Variants in IFT74 observed in about 807,000 individuals in gnomAD.
The protein encoded by IFT74 is intraflagellar transport 74.
IFT74 carries 92 observed loss-of-function variants against 96.7 expected under a neutral mutation model. The ratio of observed to expected loss-of-function variants is 0.95; its 90% confidence interval spans 0.80 to 1.13. The LOEUF is 1.13. Among genes scored for constraint, IFT74 ranks in the 50% most tolerant of loss-of-function variants. The pLI, the probability that IFT74 is intolerant of heterozygous loss-of-function variation, is 0.00. For synonymous variants in IFT74, 223 were observed against 213.2 expected, an observed-to-expected ratio of 1.05 and a Z score of -0.40; for missense variants, 811 against 698.2, an observed-to-expected ratio of 1.16 and a Z score of -1.82.
Position 27,048,290 on chromosome 9 carries a change from A to G in IFT74, c.1333+16A>G, listed in dbSNP as rs1819779977. 3 of 1,536,284 alleles carry G rather than the reference A, an allele frequency of 2.0e-6. No homozygotes were observed. In the African/African-American group the frequency reaches 4.2e-5, roughly 21 times the overall value. ...TTGACTTCAGGTGAGAAAACAACCT[A>G]GATTTTAATATTCTTTTTTTTTAAA... On this transcript the variant is annotated intron_variant, in intron 16 of 19. Transcript: ENST00000380062.
chr9:27,033,715 A>G (rs927619853), intron 13 of IFT74, among the ~76,000 whole-genome samples: 4 of 152,092 alleles, frequency 2.6e-5, no homozygotes, highest in Admixed American at 2.6e-4. Flanking sequence ...TACTCCCAAG[A>G]ACAGTGCTGC....
At chr9:27,031,311 C>CA (rs1449517634) in intron 13 of IFT74, among the ~76,000 whole-genome samples, 1 of 151,778 alleles carries the variant, frequency 6.6e-6, no homozygotes, top group African/African-American at 2.4e-5. Flanking sequence ...CTAAAAAATA[C>CA]AAAAAATTAG....
intron 12 of IFT74, among the ~76,000 whole-genome samples, chr9:27,019,873 A>G (rs2131623603): frequency 6.6e-6 from 1 of 152,058 alleles, no homozygotes; most frequent in Admixed American, 6.6e-5. Context: ...CAGCTTTACC[A>G]TTTTACATTT....
At chr9:27,012,492 ACAGGCATGAGGCATTGTGCT>A in intron 10 of IFT74, among the ~76,000 whole-genome samples, 1 of 152,258 alleles carries the variant, frequency 6.6e-6, no homozygotes, top group South Asian at 2.1e-4. Flanking sequence ...TGCTGGGATT[ACAGGCATGAGGCATTGTGCT>A]CAGCCTCTAA....
Position 26,962,226 on chromosome 9 carries a change from T to C in IFT74, c.120+139T>C, listed in dbSNP as rs1053360649. ...AGTTTTTGAGACTGTCTCAAAAATC[T>C]GTTGAATGCTTGTGCATATATTGTG... On this transcript the variant is annotated intron_variant, in intron 2 of 19. Coordinates refer to ENST00000380062, the MANE Select transcript of IFT74 (RefSeq NM_025103.4). 76 of 687,226 alleles carry C rather than the reference T, an allele frequency of 1.1e-4. 1 individual carries two copies. In the Middle Eastern group the frequency reaches 2.0e-3, roughly 19 times the overall value. 42.6% of individuals were successfully genotyped at this position (687,226 alleles called of 1,614,324 possible).
intron 13 of IFT74, among the ~76,000 whole-genome samples, chr9:27,043,746 A>G (rs1819574345): frequency 6.6e-6 from 1 of 152,138 alleles, no homozygotes; most frequent in Non-Finnish European, 1.5e-5. Flanking sequence ...ATCATACTTG[A>G]TTCCTCCCTG....
At chr9:27,056,170 C>G (rs1454838564) in intron 17 of IFT74, among the ~76,000 whole-genome samples, 164 bp from the exon 18 acceptor site, 1 of 152,042 alleles carries the variant, frequency 6.6e-6, no homozygotes, top group Non-Finnish European at 1.5e-5. Context: ...ATAATGTTAA[C>G]ATAGCTTATA....
chr9:27,023,617 CT>C (rs995650731), intron 12 of IFT74, among the ~76,000 whole-genome samples: 1 of 151,752 alleles, frequency 6.6e-6, no homozygotes, highest in Non-Finnish European at 1.5e-5. Context: ...CCATAGTTTT[CT>C]TTTTTTTGTT....
chr9:27,040,485 G>T (rs556734600), intron 13 of IFT74, among the ~76,000 whole-genome samples: 99 of 145,190 alleles, frequency 6.8e-4, no homozygotes, highest in African/African-American at 2.4e-3. Flanking sequence ...GGAGGCGGAG[G>T]TTGCAGCTGA....
chr9:26,973,909 A>G (rs143510770), intron 2 of IFT74, among the ~76,000 whole-genome samples: 50 of 152,298 alleles, frequency 3.3e-4, no homozygotes, highest in African/African-American at 8.4e-4. Flanking sequence ...TGACTCCCCT[A>G]TTCTTCCTTG....
intron 1 of IFT74, among the ~76,000 whole-genome samples, chr9:26,949,843 G>A (rs1825876828): frequency 6.6e-6 from 1 of 152,206 alleles, no homozygotes; most frequent in African/African-American, 2.4e-5. Flanking sequence ...GAGGAGTGGG[G>A]TTCACAGGTC....
At chr9:26,959,021 C>G (rs1030083798) in intron 1 of IFT74, among the ~76,000 whole-genome samples, 6 of 152,188 alleles carry the variant, frequency 3.9e-5, no homozygotes, top group African/African-American at 1.2e-4. Flanking sequence ...TCATTTGAAT[C>G]AAACGGTAGC....
intron 1 of IFT74, among the ~76,000 whole-genome samples, chr9:26,960,187 C>G (rs1425829341): frequency 1.3e-5 from 2 of 152,116 alleles, no homozygotes. Context: ...CTCTGACACA[C>G]ACTCCTGGTT....
At chr9:27,039,246 G>A (rs1464999043) in intron 13 of IFT74, among the ~76,000 whole-genome samples, 3 of 151,804 alleles carry the variant, frequency 2.0e-5, no homozygotes, top group African/African-American at 2.4e-5. Context: ...GCCCAGGCTC[G>A]TCTCGAACTC....
intron 10 of IFT74, among the ~76,000 whole-genome samples, chr9:27,014,435 A>G (rs986935065): frequency 2.0e-5 from 3 of 152,194 alleles, no homozygotes; most frequent in Non-Finnish European, 4.4e-5. Flanking sequence ...TTTGGTTTCC[A>G]TAGGAAAAAT....
intron 1 of IFT74, 87 bp from the exon 2 acceptor site, chr9:26,961,862 G>A: frequency 1.4e-6 from 2 of 1,403,580 alleles, no homozygotes; most frequent in Non-Finnish European, 9.9e-7. Flanking sequence ...AACAATTGTT[G>A]TGAATTAAAT....
chr9:26,988,731 A>G lies in IFT74; in HGVS notation c.525+3A>G. On this transcript the variant is annotated splice_donor_region_variant and intron_variant, in intron 7 of 19. Coordinates refer to ENST00000380062, the MANE Select transcript of IFT74 (RefSeq NM_025103.4). The stretch of plus-strand genomic sequence containing the variant: ...AAGTAATGAATGATTACAATATGGT[A>G]AGAAAATTTATAAAAGCAAATTGAT... The G allele has an allele frequency of 1.3e-6, 2 of 1,527,194 alleles. No individual in the cohort carries two copies. Among genetic ancestry groups the G allele is most frequent in the Non-Finnish European group, 1.8e-6 (2 of 1,120,626 alleles). The allele number at this position is 1,527,194 out of a possible 1,614,324, so 94.6% of individuals were successfully genotyped here.
chr9:26,973,038 G>A (rs1826945205), intron 2 of IFT74, among the ~76,000 whole-genome samples: 1 of 152,046 alleles, frequency 6.6e-6, no homozygotes, highest in African/African-American at 2.4e-5. Context: ...TAAACCCTTG[G>A]GGTAAGACTG....
chr9:26,975,079 T>TA (rs59419952), intron 2 of IFT74, among the ~76,000 whole-genome samples: 15,503 of 151,964 alleles, frequency 0.1, 1,810 homozygotes, highest in East Asian at 0.65. Flanking sequence ...AAGTCAGGGT[T>TA]ATAAGGAGGA....
Sources: gnomAD v4.1 joint callset for allele counts (sites outside exome capture counted in the v4.1 genomes callset) on GRCh38, gnomAD v4.1.1 for gene constraint, MANE v1.5 for transcripts, NCBI Gene and HGNC (gene_info 2026-07-23, HGNC 2026-07-21) for gene names.